MMP16: variants seen among roughly 807,000 people sequenced by gnomAD.
MMP16 encodes matrix metallopeptidase 16.
In MMP16, 12 loss-of-function variants were observed where a neutral mutation model predicts 67.8. That is an observed-to-expected ratio of 0.18 (90% CI 0.11 to 0.29). MMP16 has a LOEUF of 0.29. MMP16 is among the 10% of genes least tolerant of loss of function. The probability of loss-of-function intolerance (pLI) is 1.00; values close to 1 mark genes in which losing one functional copy is unlikely to be tolerated. For synonymous variants in MMP16, 249 were observed against 255.9 expected (o/e 0.97, Z 0.26); for missense variants, 475 against 765.7 (o/e 0.62, Z 4.48).
intron 7 of MMP16, among the ~76,000 whole-genome samples, chr8:88,056,513 A>G (rs1414827835): frequency 1.3e-5 from 2 of 151,856 alleles, no homozygotes; most frequent in African/African-American, 2.4e-5. Flanking sequence ...ATATAATAAT[A>G]TAACCAAAAT....
intron 4 of MMP16, among the ~76,000 whole-genome samples, chr8:88,166,720 T>TATAC (rs1563551738): frequency 1.5e-5 from 2 of 135,194 alleles, no homozygotes; most frequent in East Asian, 4.3e-4. Flanking sequence ...TATATATATA[T>TATAC]ATATATATAT....
intron 6 of MMP16, among the ~76,000 whole-genome samples, chr8:88,113,179 T>A (rs964368756): frequency 1.3e-5 from 2 of 151,764 alleles, no homozygotes; most frequent in Non-Finnish European, 2.9e-5. Context: ...GAGGAACACA[T>A]TTCAATAAGA....
At chr8:88,309,707 T>C (rs1027691364) in intron 1 of MMP16, among the ~76,000 whole-genome samples, 5 of 152,088 alleles carry the variant, frequency 3.3e-5, no homozygotes, top group Admixed American at 2.0e-4. Flanking sequence ...GTAATTCAGA[T>C]AGACAGCACA....
At chr8:88,202,014 G>A (rs527835084) in intron 1 of MMP16, among the ~76,000 whole-genome samples, 399 of 152,208 alleles carry the variant, frequency 2.6e-3, no homozygotes, top group African/African-American at 8.6e-3. Context: ...TCAAATTGAA[G>A]ATTCATAGGA....
intron 8 of MMP16, 107 bp downstream of exon 8, chr8:88,056,021 A>T: frequency 1.2e-6 from 1 of 825,662 alleles, no homozygotes; most frequent in Non-Finnish European, 1.7e-6. Context: ...CTCCTGTGTT[A>T]AATCCACCAG....
At chr8:88,106,107 T>C (rs1441201993) in intron 6 of MMP16, among the ~76,000 whole-genome samples, 1 of 150,298 alleles carries the variant, frequency 6.7e-6, no homozygotes, top group African/African-American at 2.4e-5. Flanking sequence ...ATCACCTAAA[T>C]TGTAGATTTC....
At position 88,058,963 on chromosome 8, in the gene MMP16, T is replaced by C. The variant is rs1563519831; in HGVS notation, c.1223-2685A>G. Among the ~76,000 whole-genome samples, 1 of 152,044 alleles carries C rather than the reference T, an allele frequency of 6.6e-6. No individual in the cohort carries two copies. The highest frequency in any genetic ancestry group is 1.5e-5 in the Non-Finnish European group (1 of 67,984). ...ATTGCCAAGGGAAATAAAATAAAGA[T>C]AATATTAAGAATGATCTTCAAGTTC... On this transcript the variant is annotated intron_variant, in intron 7 of 9. Coordinates refer to ENST00000286614, the MANE Select transcript of MMP16 (RefSeq NM_005941.5). This position sits in a 1 kb window ranked among gnomAD's most constrained non-coding sequence, Gnocchi z 4.2.
intron 1 of MMP16, among the ~76,000 whole-genome samples, chr8:88,212,918 C>T (rs1010381331): frequency 6.6e-6 from 1 of 152,076 alleles, no homozygotes; most frequent in Non-Finnish European, 1.5e-5. Flanking sequence ...ATAGTTACCT[C>T]CTGGGGAATG....
At chr8:88,296,128 C>T (rs1423708348) in intron 1 of MMP16, among the ~76,000 whole-genome samples, 2 of 152,106 alleles carry the variant, frequency 1.3e-5, no homozygotes, top group Non-Finnish European at 2.9e-5. Flanking sequence ...ATCATTCATC[C>T]ATTTATTCAT....
intron 4 of MMP16, among the ~76,000 whole-genome samples, chr8:88,132,304 ATTGT>A (rs1002023496): frequency 2.6e-5 from 4 of 152,078 alleles, no homozygotes; most frequent in Middle Eastern, 3.4e-3. Context: ...GAATGATAAT[ATTGT>A]TTAAGTTAGC....
Position 88,077,405 on chromosome 8 carries a change from T to C in MMP16, c.1084-2662A>G, listed in dbSNP as rs1158734511. The stretch of plus-strand genomic sequence containing the variant: ...TTATAAGTGAGACATTCCCTGACCA[T>C]GCTATCTAGAACTGAAGTTCCTCAC... On this transcript the variant is annotated intron_variant, in intron 6 of 9. Coordinates refer to ENST00000286614, the MANE Select transcript of MMP16 (RefSeq NM_005941.5). Among the ~76,000 whole-genome samples the C allele has an allele frequency of 3.9e-5, 6 of 152,320 alleles. No homozygotes were observed. The East Asian group carries it at 9.7e-4, about 25-fold the overall frequency.
chr8:88,136,782 T>G (rs1241963578), intron 4 of MMP16, among the ~76,000 whole-genome samples: 4 of 151,864 alleles, frequency 2.6e-5, no homozygotes, highest in Admixed American at 6.6e-5. Flanking sequence ...ATATTGGAGT[T>G]GTTCTGGTTT....
chr8:88,047,868 A>G (rs567474339), intron 8 of MMP16, among the ~76,000 whole-genome samples: 48 of 152,354 alleles, frequency 3.2e-4, no homozygotes, highest in Non-Finnish European at 5.4e-4. Context: ...CAGAAGTAGG[A>G]ATGCCAGTCG....
At chr8:88,080,295 T>C (rs944203932) in intron 6 of MMP16, among the ~76,000 whole-genome samples, 4 of 152,182 alleles carry the variant, frequency 2.6e-5, no homozygotes, top group Non-Finnish European at 5.9e-5. Context: ...GCTGTTTAGT[T>C]TGAGTATTAA....
chr8:88,090,652 A>T (rs1222742105), intron 6 of MMP16, among the ~76,000 whole-genome samples: 1 of 122,964 alleles, frequency 8.1e-6, no homozygotes, highest in Non-Finnish European at 1.7e-5. Context: ...AATTTTAATT[A>T]AAAAAATTAC....
chr8:88,264,064 AGAGAGT>A (rs1810435639), intron 1 of MMP16, among the ~76,000 whole-genome samples: 1 of 44,230 alleles, frequency 2.3e-5, no homozygotes, highest in Admixed American at 4.1e-4. Context: ...ATAGGGAGAG[AGAGAGT>A]GTGTGTGTGT....
At chr8:88,131,072 G>A (rs1808020355) in intron 4 of MMP16, among the ~76,000 whole-genome samples, 2 of 151,630 alleles carry the variant, frequency 1.3e-5, no homozygotes, top group Admixed American at 6.6e-5. Context: ...CATTCATGGG[G>A]TACCCATTAT....
chr8:88,063,001 G>C (rs1225269365), intron 7 of MMP16, among the ~76,000 whole-genome samples: 3 of 151,986 alleles, frequency 2.0e-5, no homozygotes, highest in Non-Finnish European at 2.9e-5. Context: ...GTATTCCCTG[G>C]ATTTCATATG....
At chr8:88,320,239 G>A (rs1811438748) in intron 1 of MMP16, among the ~76,000 whole-genome samples, 1 of 152,064 alleles carries the variant, frequency 6.6e-6, no homozygotes. Context: ...ATTCAATAAG[G>A]ACTCATGGTA....
Sources: gnomAD v4.1 joint callset for allele counts (sites outside exome capture counted in the v4.1 genomes callset) on GRCh38, gnomAD v4.1.1 for gene constraint, Gnocchi (gnomAD v3.1) non-coding constraint, MANE v1.5 for transcripts, NCBI Gene and HGNC (gene_info 2026-07-23, HGNC 2026-07-21) for gene names.